MAP1B: variants seen among roughly 807,000 people sequenced by gnomAD.
MAP1B encodes the protein microtubule-associated protein 1B.
MAP1B carries 12 observed loss-of-function variants against 176.1 expected under a neutral mutation model. The observed-to-expected ratio is 0.07, with a 90% CI of 0.04 to 0.11. The LOEUF (loss-of-function observed/expected upper bound fraction) is 0.11, where lower values mean the gene tolerates loss of function less well. Ranked by LOEUF, MAP1B falls within the 10% of genes least tolerant of loss-of-function variation. MAP1B has a pLI of 1.00. For synonymous variants in MAP1B, 1,044 were observed against 1,135.0 expected (o/e 0.92, Z 1.61); for missense variants, 2,523 against 2,990.5 (o/e 0.84, Z 3.65).
chr5:72,165,204 C>T (rs1175735613), intron 2 of MAP1B, among the ~76,000 whole-genome samples: 1 of 152,098 alleles, frequency 6.6e-6, no homozygotes. Context: ...TTCACATGTC[C>T]ATATTTTAAT....
intron 2 of MAP1B, among the ~76,000 whole-genome samples, chr5:72,138,708 G>A (rs945086771): frequency 2.0e-5 from 3 of 152,096 alleles, no homozygotes; most frequent in African/African-American, 2.4e-5. Flanking sequence ...CCATATCTTC[G>A]AAGAATCTTT....
intron 2 of MAP1B, among the ~76,000 whole-genome samples, chr5:72,156,538 G>C (rs1301533106): frequency 6.6e-6 from 1 of 152,214 alleles, no homozygotes; most frequent in African/African-American, 2.4e-5. Flanking sequence ...AAGGACAGTA[G>C]AAAGATGAGC....
chr5:72,142,676 G>GA (rs1426819018), intron 2 of MAP1B, among the ~76,000 whole-genome samples: 20 of 150,560 alleles, frequency 1.3e-4, no homozygotes, highest in African/African-American at 4.9e-4. Flanking sequence ...TTTTTTTCAG[G>GA]AAAAAAAGTG....
chr5:72,129,515 C>T (rs143656015), intron 2 of MAP1B, among the ~76,000 whole-genome samples: 3,014 of 152,038 alleles, frequency 0.02, 71 homozygotes, highest in African/African-American at 0.056. Flanking sequence ...CGAGATTGTG[C>T]CACTGCACTC....
chr5:72,143,067 T>TTG (rs768474986), intron 2 of MAP1B, among the ~76,000 whole-genome samples: 4 of 151,958 alleles, frequency 2.6e-5, no homozygotes, highest in African/African-American at 4.8e-5. Context: ...TTGTGTTCTC[T>TTG]TGTGTGTGTG....
intron 2 of MAP1B, among the ~76,000 whole-genome samples, chr5:72,138,653 A>T (rs1745881319): frequency 6.6e-6 from 1 of 152,250 alleles, no homozygotes. Context: ...ATAATCAGTA[A>T]TGATTAATCA....
At chr5:72,153,423 A>G (rs1746178160) in intron 2 of MAP1B, among the ~76,000 whole-genome samples, 1 of 151,968 alleles carries the variant, frequency 6.6e-6, no homozygotes, top group African/African-American at 2.4e-5. Context: ...ATCTGAAACT[A>G]TGTGTTAGAA....
chr5:72,141,619 A>T (rs1396000757), intron 2 of MAP1B, among the ~76,000 whole-genome samples: 1 of 152,194 alleles, frequency 6.6e-6, no homozygotes, highest in Non-Finnish European at 1.5e-5. Context: ...TGATGGCATG[A>T]CTCAGAAAGC....
At chr5:72,162,791 G>A (rs1193931321) in intron 2 of MAP1B, among the ~76,000 whole-genome samples, 2 of 152,004 alleles carry the variant, frequency 1.3e-5, no homozygotes, top group Admixed American at 1.3e-4. Context: ...GAATGCATGC[G>A]GGCAGAATAT....
chr5:72,130,364 G>C (rs537814890), intron 2 of MAP1B, among the ~76,000 whole-genome samples: 2 of 152,264 alleles, frequency 1.3e-5, no homozygotes, highest in African/African-American at 4.8e-5. Context: ...GAGGCCTTAG[G>C]CTAATTAATG....
intron 2 of MAP1B, among the ~76,000 whole-genome samples, chr5:72,120,455 T>G (rs1269213036): frequency 1.3e-5 from 2 of 151,302 alleles, no homozygotes; most frequent in South Asian, 2.1e-4. Context: ...GATAGAGTCT[T>G]GCTCTGTTGC....
rs1746679808 is a variant in MAP1B at position 72,177,770 on chromosome 5, C to CAA, written c.287-5972_287-5971insAA. ...CTTAGTTCCTGTACCAAGCACCTTT[C>CAA]ATTTCTTGCTCTTAGCCATTTAGCT... On this transcript the variant is annotated intron_variant, in intron 2 of 6. Transcript: ENST00000296755. 3.9e-5 allele frequency among the ~76,000 whole-genome samples: 6 copies of CAA among 152,320 alleles called. No individual in the cohort carries two copies. The South Asian group carries it at 1.2e-3, about 32-fold the overall frequency.
chr5:72,130,320 AG>A (rs1443434169), intron 2 of MAP1B, among the ~76,000 whole-genome samples: 1 of 152,168 alleles, frequency 6.6e-6, no homozygotes, highest in Non-Finnish European at 1.5e-5. Context: ...ATAAGAAAAA[AG>A]GAATGCAATT....
At chr5:72,137,929 T>C (rs1745866131) in intron 2 of MAP1B, among the ~76,000 whole-genome samples, 5 of 152,196 alleles carry the variant, frequency 3.3e-5, no homozygotes. Flanking sequence ...GAAAAAGTAT[T>C]AATATGCATC....
At chr5:72,165,918 A>T (rs1282418092) in intron 2 of MAP1B, among the ~76,000 whole-genome samples, 1 of 152,192 alleles carries the variant, frequency 6.6e-6, no homozygotes, top group Non-Finnish European at 1.5e-5. Context: ...ACTAGAAGGG[A>T]GAAATCCTAG....
At chr5:72,185,790 GGTA>G (rs1477748459) in intron 3 of MAP1B, among the ~76,000 whole-genome samples, 1 of 152,132 alleles carries the variant, frequency 6.6e-6, no homozygotes, top group Non-Finnish European at 1.5e-5. Context: ...GGGGTTCTTG[GGTA>G]AGGGGTCATG....
chr5:72,195,353 A>T lies in MAP1B; in HGVS notation c.1998A>T (p.Lys666Asn). Reference sequence around the variant, plus strand: ...AAGAAGTGGCTAAAAAGGAGGACAAAACACCTATCAAGAAGGAGGAAAAAC... The same window carrying T: ...AAGAAGTGGCTAAAAAGGAGGACAATACACCTATCAAGAAGGAGGAAAAAC... ...PKKEVAKKED[K>N]TPIKKEEKPK... Residue 666 changes from lysine to asparagine, a missense_variant, in exon 5 of 7, where the codon AAA becomes AAT. By Grantham distance (94) the Lys-to-Asn change is moderately conservative (BLOSUM62 0). Around this residue, in one of 4 missense-constraint regions of MAP1B, gnomAD observed 1,925 missense variants for 2,126.0 expected, o/e 0.91. Transcript: ENST00000296755. 2 of 1,591,320 alleles carry T rather than the reference A, an allele frequency of 1.3e-6. No homozygotes were observed. The highest frequency in any genetic ancestry group is 1.7e-6 in the Non-Finnish European group (2 of 1,171,478).
At position 72,186,706 on chromosome 5, in the gene MAP1B, C is replaced by T. The variant is rs755865663; in HGVS notation, c.462C>T (p.Ser154=). ...FENTGELILQ[S]GSFSFQNFIE... is the part of the protein sequence containing the mutation. ...ATACCGGAGAGCTCATTCTCCAGTC[C>T]GGCTCTTTCTCCTTCCAGAACTTCA... Residue 154 remains serine, a synonymous_variant, in exon 4 of 7, where the codon TCC becomes TCT. Transcript: ENST00000296755. The surrounding 1 kb of genome is among the most constrained non-coding windows in gnomAD (Gnocchi z 4.3). 2.4e-5 allele frequency: 39 copies of T among 1,613,996 alleles called. No homozygotes were observed. Among genetic ancestry groups the T allele is most frequent in the South Asian group, 1.1e-4 (10 of 91,078 alleles).
chr5:72,166,024 C>G (rs1057192591), intron 2 of MAP1B, among the ~76,000 whole-genome samples: 4 of 152,180 alleles, frequency 2.6e-5, no homozygotes, highest in Non-Finnish European at 5.9e-5. Flanking sequence ...ATTTAATAGA[C>G]AGGGCTCAGT....
Sources: gnomAD v4.1 joint callset for allele counts (sites outside exome capture counted in the v4.1 genomes callset) on GRCh38, gnomAD v4.1.1 for gene constraint, gnomAD v4.1.1 regional missense constraint, Gnocchi (gnomAD v3.1) non-coding constraint, MANE v1.5 for transcripts, NCBI Gene and HGNC (gene_info 2026-07-23, HGNC 2026-07-21) for gene names.